SGCD: variants seen among roughly 807,000 people sequenced by gnomAD.
The protein encoded by SGCD is delta-sarcoglycan.
In SGCD, 18 loss-of-function variants were observed where a neutral mutation model predicts 36.6. The observed-to-expected ratio is 0.49, with a 90% confidence interval of 0.34 to 0.73. The LOEUF is 0.73. SGCD is among the 30% of genes least tolerant of loss of function. The pLI is 0.01. For synonymous variants in SGCD, 133 were observed against 130.6 expected, an observed-to-expected ratio of 1.02 and a Z score of -0.12; for missense variants, 387 against 346.7, an observed-to-expected ratio of 1.12 and a Z score of -0.92.
At chr5:156,753,567 CT>C (rs1483285326) in intron 7 of SGCD, among the ~76,000 whole-genome samples, 1 of 152,120 alleles carries the variant, frequency 6.6e-6, no homozygotes, top group East Asian at 1.9e-4. Context: ...CTGCCCGAGG[CT>C]GGGTAATTTA....
At chr5:156,173,240 A>C (rs1763384073) in intron 3 of SGCD, among the ~76,000 whole-genome samples, 1 of 152,174 alleles carries the variant, frequency 6.6e-6, no homozygotes, top group South Asian at 2.1e-4. Context: ...TATGATATGA[A>C]ATAAAAATAA....
intron 3 of SGCD, among the ~76,000 whole-genome samples, chr5:156,213,260 T>G (rs533999608): frequency 9.9e-5 from 15 of 151,770 alleles, no homozygotes; most frequent in Non-Finnish European, 1.6e-4. Flanking sequence ...TTAGCAAGAC[T>G]AAGAAAAAAA....
At chr5:156,576,144 A>C in intron 4 of SGCD, among the ~76,000 whole-genome samples, 1 of 147,664 alleles carries the variant, frequency 6.8e-6, no homozygotes, top group Admixed American at 6.8e-5. Context: ...CTCCTTGTTC[A>C]TTTCCCACCT....
At chr5:156,427,557 G>C (rs1317610840) in intron 3 of SGCD, among the ~76,000 whole-genome samples, 1 of 152,056 alleles carries the variant, frequency 6.6e-6, no homozygotes, top group Admixed American at 6.6e-5. Flanking sequence ...GCTCTGGCTA[G>C]GACTTTCAGT....
chr5:155,959,722 T>G (rs538807835), intron 1 of SGCD, among the ~76,000 whole-genome samples: 1 of 152,268 alleles, frequency 6.6e-6, no homozygotes, highest in African/African-American at 2.4e-5. Context: ...ATAAATATGT[T>G]AGCTATATAT....
intron 2 of SGCD, among the ~76,000 whole-genome samples, chr5:156,341,628 G>A (rs1376265613): frequency 6.6e-6 from 1 of 152,192 alleles, no homozygotes; most frequent in African/African-American, 2.4e-5. Context: ...TATCTGGGAA[G>A]CTTTAATAAA....
At chr5:155,845,519 A>T in the SGCD span, 1 of 152,248 alleles carries the variant, frequency 6.6e-6, no homozygotes, top group Non-Finnish European at 1.5e-5. Context: ...TAGTACTTGG[A>T]TGGGAGACAA....
chr5:156,284,299 A>G (rs907309935), intron 3 of SGCD, among the ~76,000 whole-genome samples: 1 of 152,120 alleles, frequency 6.6e-6, no homozygotes, highest in South Asian at 2.1e-4. Context: ...AGAAAAAGAG[A>G]GAATCCTCCC....
At chr5:156,084,946 C>T (rs1203754775) in intron 1 of SGCD, among the ~76,000 whole-genome samples, 1 of 152,134 alleles carries the variant, frequency 6.6e-6, no homozygotes, top group Non-Finnish European at 1.5e-5. Context: ...TTGGTATTAT[C>T]AAATGATTTT....
intron 3 of SGCD, among the ~76,000 whole-genome samples, chr5:156,490,111 G>A (rs894461459): frequency 3.9e-5 from 6 of 151,936 alleles, no homozygotes; most frequent in Non-Finnish European, 8.8e-5. Flanking sequence ...AAATCTAGCG[G>A]AAATGGATAA....
chr5:156,079,018 TAAA>T (rs575699645), intron 1 of SGCD, among the ~76,000 whole-genome samples: 1 of 102,488 alleles, frequency 9.8e-6, no homozygotes. Context: ...GGGTAATTTG[TAAA>T]AAAAAAAAAA....
rs147188812 is a variant in SGCD at position 156,514,928 on chromosome 5, C to T, written c.294+6226C>T. 9.2e-5 allele frequency among the ~76,000 whole-genome samples: 14 copies of T among 152,142 alleles called. No individual in the cohort carries two copies. The East Asian group carries it at 1.7e-3, about 19-fold the overall frequency. On this transcript the variant is annotated intron_variant, in intron 4 of 8. Coordinates refer to ENST00000337851, the MANE Select transcript of SGCD (RefSeq NM_000337.6). Reference sequence around the variant, plus strand: ...TAAAGTGAGGTCCAGAAATGGTAGCCGCTACCTTCATCTCCTTCTGACAAT... The same window carrying T: ...TAAAGTGAGGTCCAGAAATGGTAGCTGCTACCTTCATCTCCTTCTGACAAT...
intron 3 of SGCD, among the ~76,000 whole-genome samples, chr5:156,351,961 C>T (rs1049723152): frequency 6.6e-6 from 1 of 151,222 alleles, no homozygotes; most frequent in African/African-American, 2.5e-5. Context: ...TTCTGGAACC[C>T]AGTATACCAC....
chr5:155,968,391 C>G (rs993363722), intron 1 of SGCD, among the ~76,000 whole-genome samples: 1 of 151,962 alleles, frequency 6.6e-6, no homozygotes, highest in East Asian at 1.9e-4. Flanking sequence ...AGTCATCTCC[C>G]GTTATCTGAA....
intron 4 of SGCD, among the ~76,000 whole-genome samples, chr5:156,574,299 A>G (rs1361546942): frequency 6.6e-6 from 1 of 152,228 alleles, no homozygotes; most frequent in Non-Finnish European, 1.5e-5. Context: ...GAGCTGACAG[A>G]GCTTAGCAAC....
At chr5:155,982,672 A>T (rs1481414704) in intron 1 of SGCD, among the ~76,000 whole-genome samples, 1 of 152,176 alleles carries the variant, frequency 6.6e-6, no homozygotes, top group Non-Finnish European at 1.5e-5. Context: ...TTTCCCAGGC[A>T]GTAGAGTGAA....
At chr5:156,442,004 G>T (rs1753514311) in intron 3 of SGCD, among the ~76,000 whole-genome samples, 1 of 152,146 alleles carries the variant, frequency 6.6e-6, no homozygotes, top group African/African-American at 2.4e-5. Flanking sequence ...GCAGCTGTTT[G>T]GGAGGAGGTG....
At chr5:156,043,449 G>C (rs1391755926) in intron 1 of SGCD, among the ~76,000 whole-genome samples, 1 of 152,052 alleles carries the variant, frequency 6.6e-6, no homozygotes, top group Non-Finnish European at 1.5e-5. Context: ...AATTTCTCAG[G>C]GGTTTGGCAA....
intron 1 of SGCD, among the ~76,000 whole-genome samples, chr5:156,101,579 T>C (rs1761516776): frequency 6.6e-6 from 1 of 152,202 alleles, no homozygotes; most frequent in Admixed American, 6.5e-5. Context: ...TCTATATCTT[T>C]TGTATTTGAA....
Sources: gnomAD v4.1 joint callset for allele counts (sites outside exome capture counted in the v4.1 genomes callset) on GRCh38, gnomAD v4.1.1 for gene constraint, MANE v1.5 for transcripts, NCBI Gene and HGNC (gene_info 2026-07-23, HGNC 2026-07-21) for gene names.